The following PALS2 variants were observed in gnomAD, a reference collection of about 807,000 sequenced individuals.
PALS2 encodes the protein protein associated with LIN7 2, MAGUK p55 family member, also known as protein PALS2.
PALS2 carries 27 observed loss-of-function variants against 61.6 expected under a neutral mutation model. That is an observed-to-expected ratio of 0.44 (90% CI 0.32 to 0.60). The LOEUF (loss-of-function observed/expected upper bound fraction) is 0.60, where lower values mean the gene tolerates loss of function less well. PALS2 is among the 20% of genes least tolerant of loss of function. The pLI, the probability that PALS2 is intolerant of heterozygous loss-of-function variation, is 0.05. For synonymous variants in PALS2, 236 were observed against 218.6 expected, an observed-to-expected ratio of 1.08 and a Z score of -0.70; for missense variants, 554 against 639.4, an observed-to-expected ratio of 0.87 and a Z score of 1.44.
At chr7:24,590,527 A>G (rs80219926) in intron 1 of PALS2, among the ~76,000 whole-genome samples, 9,579 of 152,064 alleles carry the variant, frequency 0.063, 352 homozygotes, top group African/African-American at 0.093. Flanking sequence ...TGTGATTACT[A>G]ATTCTCAGGT....
At chr7:24,623,431 A>G (rs1461246772) in intron 1 of PALS2, among the ~76,000 whole-genome samples, 1 of 152,120 alleles carries the variant, frequency 6.6e-6, no homozygotes, top group Non-Finnish European at 1.5e-5. Flanking sequence ...TGTGTAAGGT[A>G]GTCTGATAAA....
At chr7:24,591,318 G>A (rs1164628271) in intron 1 of PALS2, among the ~76,000 whole-genome samples, 2 of 152,152 alleles carry the variant, frequency 1.3e-5, no homozygotes, top group Admixed American at 1.3e-4. Flanking sequence ...GGTCAGGAAT[G>A]GAGGATGACA....
chr7:24,660,272 T>C (rs979745788), intron 5 of PALS2, among the ~76,000 whole-genome samples: 3 of 151,052 alleles, frequency 2.0e-5, no homozygotes, highest in African/African-American at 2.4e-5. Flanking sequence ...AAATGTAATA[T>C]GTATTCAGTT....
At chr7:24,616,257 G>A (rs1784289688) in intron 1 of PALS2, among the ~76,000 whole-genome samples, 1 of 151,998 alleles carries the variant, frequency 6.6e-6, no homozygotes, top group Non-Finnish European at 1.5e-5. Context: ...AAATCAAATT[G>A]TTACTGTTTA....
intron 5 of PALS2, among the ~76,000 whole-genome samples, chr7:24,650,917 C>G (rs1017356514): frequency 1.3e-5 from 2 of 152,080 alleles, no homozygotes; most frequent in Admixed American, 1.3e-4. Context: ...TAGTAGATTT[C>G]TTCATTAACA....
At chr7:24,665,724 T>C (rs1447153384) in intron 7 of PALS2, 37 bp downstream of exon 7, 2 of 1,551,996 alleles carry the variant, frequency 1.3e-6, no homozygotes, top group Non-Finnish European at 1.8e-6. Context: ...AAGCAGTCCT[T>C]TGTGACCACC....
intron 1 of PALS2, among the ~76,000 whole-genome samples, chr7:24,589,723 T>A (rs1783209849): frequency 2.6e-5 from 4 of 152,184 alleles, no homozygotes; most frequent in Admixed American, 6.5e-5. Context: ...GCTTTTAAAA[T>A]TATTAATGCT....
intron 1 of PALS2, among the ~76,000 whole-genome samples, chr7:24,592,204 C>A (rs548877231): frequency 6.6e-6 from 1 of 152,156 alleles, no homozygotes; most frequent in African/African-American, 2.4e-5. Flanking sequence ...TAGGCAAATT[C>A]GCAAACACAG....
chr7:24,645,745 A>G (rs1370468341), intron 3 of PALS2, among the ~76,000 whole-genome samples: 1 of 152,198 alleles, frequency 6.6e-6, no homozygotes, highest in Admixed American at 6.5e-5. Context: ...CTTCCTATCC[A>G]TGAGCACGGG....
At chr7:24,633,440 T>C (rs545780488) in intron 2 of PALS2, among the ~76,000 whole-genome samples, 3 of 147,472 alleles carry the variant, frequency 2.0e-5, no homozygotes, top group Admixed American at 2.0e-4. Flanking sequence ...ATAATTCTTA[T>C]GCTTGCTCCT....
At position 24,618,926 on chromosome 7, in the gene PALS2, G is replaced by A. The variant is rs891710272; in HGVS notation, c.-2-4740G>A. Among the ~76,000 whole-genome samples, 1 of 152,210 alleles carries A rather than the reference G, an allele frequency of 6.6e-6. No individual in the cohort carries two copies. The highest frequency in any genetic ancestry group is 2.4e-5 in the African/African-American group (1 of 41,458). On this transcript the variant is annotated intron_variant, in intron 1 of 11. Transcript: ENST00000222644. This position sits in a 1 kb window ranked among gnomAD's most constrained non-coding sequence, Gnocchi z 5.1. ...GAGGAATGTGCACCAGACACTTACC[G>A]TCAGCCATCTTACTGACATCACTCT...
At chr7:24,636,776 T>A (rs1785259241) in intron 2 of PALS2, among the ~76,000 whole-genome samples, 1 of 150,972 alleles carries the variant, frequency 6.6e-6, no homozygotes, top group African/African-American at 2.4e-5. Flanking sequence ...GATCTTTTTC[T>A]TATTGATTTG....
chr7:24,628,244 A>T (rs777483659), intron 2 of PALS2, among the ~76,000 whole-genome samples: 1 of 152,220 alleles, frequency 6.6e-6, no homozygotes, highest in South Asian at 2.1e-4. Flanking sequence ...TCCATCACAT[A>T]AGCAGAACCA....
rs550213040 is a variant in PALS2, at chr7:24,687,671, A to G, written c.*57A>G. 35 of 1,489,970 alleles carry G rather than the reference A, an allele frequency of 2.3e-5. No homozygotes were observed. In the East Asian group the frequency reaches 8.2e-4, roughly 35 times the overall value. 92.3% of individuals were successfully genotyped at this position (1,489,970 alleles called of 1,614,324 possible). ...CTCTTAAAAAGTGACTGCAACAAATAAACCTTCTACTGAGAAAATACATCA... is the reference window on the plus strand; with the variant it reads ...CTCTTAAAAAGTGACTGCAACAAATGAACCTTCTACTGAGAAAATACATCA... On this transcript the variant is annotated 3_prime_UTR_variant, in exon 12 of 12. Coordinates refer to ENST00000222644, the MANE Select transcript of PALS2 (RefSeq NM_001303037.2). This position sits in a 1 kb window ranked among gnomAD's most constrained non-coding sequence, Gnocchi z 4.5.
chr7:24,663,631 C>T lies in PALS2; in HGVS notation c.693C>T (p.Asp231=), dbSNP rs1471832633. ...KCHFDYNPYN[D]NLIPCKEAGL... is the part of the protein sequence containing the mutation. The stretch of plus-strand genomic sequence containing the variant: ...ATTTTGATTATAATCCATACAATGA[C>T]AACCTAATACCTTGCAAAGAAGCAG... Residue 231 remains aspartate, a synonymous_variant, in exon 6 of 12, where the codon GAC becomes GAT. Coordinates refer to ENST00000222644, the MANE Select transcript of PALS2 (RefSeq NM_001303037.2). 1 of 1,593,310 alleles carries T rather than the reference C, an allele frequency of 6.3e-7. No individual in the cohort carries two copies. The highest frequency in any genetic ancestry group is 8.6e-7 in the Non-Finnish European group (1 of 1,162,150).
chr7:24,590,010 C>G (rs532261675), intron 1 of PALS2, among the ~76,000 whole-genome samples: 1 of 152,232 alleles, frequency 6.6e-6, no homozygotes, highest in Non-Finnish European at 1.5e-5. Context: ...TGGCCTAGTA[C>G]ATTTCCAAAT....
rs1408015612 is a variant in PALS2 at position 24,690,152 on chromosome 7, C to T, written c.*2538C>T. Reference sequence around the variant, plus strand: ...TTTAGTTCATTTCAGTCTAGATGCCCGTACTAACAAGAATACAGTTAGATA... The same window carrying T: ...TTTAGTTCATTTCAGTCTAGATGCCTGTACTAACAAGAATACAGTTAGATA... On this transcript the variant is annotated 3_prime_UTR_variant, in exon 12 of 12. Coordinates refer to ENST00000222644, the MANE Select transcript of PALS2 (RefSeq NM_001303037.2). The T allele has an allele frequency of 2.0e-5, 3 of 152,064 alleles. No homozygotes were observed. The highest frequency in any genetic ancestry group is 1.9e-4 in the East Asian group (1 of 5,192). 9.4% of individuals were successfully genotyped at this position (152,064 alleles called of 1,614,324 possible). A position where few individuals can be genotyped will look rare whatever the true frequency, so the allele number is the denominator to read the frequency against.
intron 2 of PALS2, chr7:24,624,214 A>G: frequency 9.8e-7 from 1 of 1,024,820 alleles, no homozygotes; most frequent in Non-Finnish European, 1.3e-6. Context: ...TTTGTTGCAT[A>G]AGCCTGGTAT....
At chr7:24,593,227 T>C (rs1783368143) in intron 1 of PALS2, among the ~76,000 whole-genome samples, 1 of 152,142 alleles carries the variant, frequency 6.6e-6, no homozygotes, top group Non-Finnish European at 1.5e-5. Context: ...TAAAGTTTTA[T>C]CATGAGATTG....
Sources: gnomAD v4.1 joint callset for allele counts (sites outside exome capture counted in the v4.1 genomes callset) on GRCh38, gnomAD v4.1.1 for gene constraint, Gnocchi (gnomAD v3.1) non-coding constraint, MANE v1.5 for transcripts, NCBI Gene and HGNC (gene_info 2026-07-23, HGNC 2026-07-21) for gene names.